Variants in NRG1 observed in about 807,000 individuals in gnomAD.
NRG1 encodes pro-neuregulin-1, membrane-bound isoform.
Under a neutral mutation model 63.8 loss-of-function variants are expected in NRG1, and 18 were observed. The ratio of observed to expected loss-of-function variants is 0.28; its 90% CI spans 0.19 to 0.42. The LOEUF (loss-of-function observed/expected upper bound fraction) is 0.42. Among genes scored for constraint, NRG1 ranks in the 10% least tolerant of loss-of-function variants. The probability of loss-of-function intolerance (pLI) is 1.00; values close to 1 mark genes in which losing one functional copy is unlikely to be tolerated. For synonymous variants in NRG1, 302 were observed against 301.3 expected (o/e 1.00, Z -0.02); for missense variants, 762 against 814.7 (o/e 0.94, Z 0.79).
chr8:32,647,086 T>C (rs978390554), intron 5 of NRG1: 20 of 985,258 alleles, frequency 2.0e-5, no homozygotes, highest in Non-Finnish European at 2.3e-5. Flanking sequence ...CCCTCCTGGC[T>C]GCACTCTTGC....
intron 1 of NRG1, among the ~76,000 whole-genome samples, chr8:32,438,631 T>G (rs1819090699): frequency 6.6e-6 from 1 of 152,220 alleles, no homozygotes; most frequent in African/African-American, 2.4e-5. Flanking sequence ...CAAAATTAGA[T>G]GTGCCATTTT....
At chr8:32,483,357 A>C (rs770250217) in intron 1 of NRG1, among the ~76,000 whole-genome samples, 11 of 152,226 alleles carry the variant, frequency 7.2e-5, no homozygotes. Context: ...CTGAAGAGGC[A>C]TTCACAGAAT....
At chr8:31,780,187 A>G (rs1355821453) in intron 1 of NRG1, among the ~76,000 whole-genome samples, 2 of 152,242 alleles carry the variant, frequency 1.3e-5, no homozygotes, top group Non-Finnish European at 2.9e-5. Context: ...ACTTGGGCTT[A>G]TGATAGCTCT....
intron 1 of NRG1, among the ~76,000 whole-genome samples, chr8:32,021,427 G>A (rs1456670640): frequency 1.3e-5 from 2 of 152,116 alleles, no homozygotes; most frequent in African/African-American, 4.8e-5. Context: ...ATTTCCTCAA[G>A]AACTAATTTA....
At position 32,261,429 on chromosome 8, in the gene NRG1, G is replaced by T. The variant is rs148836246; in HGVS notation, c.38-334399G>T. Among the ~76,000 whole-genome samples, 980 of 151,724 alleles carry T rather than the reference G, an allele frequency of 6.5e-3. 14 individuals are homozygous for T. Among genetic ancestry groups the T allele is most frequent in the African/African-American group, 0.022 (925 of 41,394 alleles). On this transcript the variant is annotated intron_variant, in intron 1 of 10. Transcript: ENST00000519301. ...TCTTTATTTAATAATAAAACTAGAAGGGCAATGAATTCGAAACGGAGGCTT... is the reference window on the plus strand; with the variant it reads ...TCTTTATTTAATAATAAAACTAGAATGGCAATGAATTCGAAACGGAGGCTT...
intron 1 of NRG1, among the ~76,000 whole-genome samples, chr8:32,032,981 C>T (rs1563703080): frequency 6.6e-6 from 1 of 152,066 alleles, no homozygotes; most frequent in Non-Finnish European, 1.5e-5. Flanking sequence ...CAATTTTCTG[C>T]ATATGGCTAG....
At chr8:31,865,364 G>T (rs1169644538) in intron 1 of NRG1, among the ~76,000 whole-genome samples, 1 of 152,106 alleles carries the variant, frequency 6.6e-6, no homozygotes, top group African/African-American at 2.4e-5. Context: ...TCTGAAGCAG[G>T]TGATATTCTG....
At chr8:31,795,198 G>A (rs1054189266) in intron 1 of NRG1, among the ~76,000 whole-genome samples, 2 of 152,136 alleles carry the variant, frequency 1.3e-5, no homozygotes, top group Admixed American at 1.3e-4. Flanking sequence ...AGCCCTCTTA[G>A]GATGAGCTGT....
chr8:32,748,844 TAGA>T (rs973857822), intron 7 of NRG1: 48 of 332,282 alleles, frequency 1.4e-4, no homozygotes, highest in Non-Finnish European at 2.3e-4. Flanking sequence ...TGAGAAAAAC[TAGA>T]AGGAGTCTCC....
At chr8:32,315,799 C>G (rs990871368) in intron 1 of NRG1, among the ~76,000 whole-genome samples, 2 of 152,144 alleles carry the variant, frequency 1.3e-5, no homozygotes, top group East Asian at 3.9e-4. Context: ...AGCAGACTGG[C>G]AGGGACCTGA....
intron 1 of NRG1, among the ~76,000 whole-genome samples, chr8:32,328,318 T>C (rs758989275): frequency 4.5e-4 from 68 of 152,166 alleles, no homozygotes; most frequent in Non-Finnish European, 7.6e-4. Context: ...GCTGGCTTCA[T>C]GAATCATTTG....
chr8:32,770,414 G>A (rs1831708187), downstream of NRG1, among the ~76,000 whole-genome samples: 1 of 152,122 alleles, frequency 6.6e-6, no homozygotes, highest in African/African-American at 2.4e-5. Flanking sequence ...TGCAAATCCA[G>A]TTTCTTTCTA....
intron 5 of NRG1, among the ~76,000 whole-genome samples, chr8:32,681,584 T>A (rs1477660389): frequency 6.6e-6 from 1 of 152,142 alleles, no homozygotes; most frequent in Non-Finnish European, 1.5e-5. Context: ...AACAGCATCT[T>A]TTACACAGTG....
intron 1 of NRG1, among the ~76,000 whole-genome samples, chr8:32,156,227 T>C (rs1360599915): frequency 1.3e-5 from 2 of 152,188 alleles, no homozygotes; most frequent in Non-Finnish European, 2.9e-5. Flanking sequence ...GTTAGAATGC[T>C]CCTCCATGAT....
chr8:32,149,128 C>G (rs967103944), intron 1 of NRG1, among the ~76,000 whole-genome samples: 31 of 152,138 alleles, frequency 2.0e-4, no homozygotes, highest in African/African-American at 7.5e-4. Context: ...TGAAATTTTT[C>G]CTGCTTCTCC....
chr8:32,727,853 T>C, intron 5 of NRG1, 96 bp from the exon 6 acceptor site: 2 of 1,267,056 alleles, frequency 1.6e-6, no homozygotes, highest in Admixed American at 2.0e-5. Flanking sequence ...CTGTACCTTA[T>C]ATGAACTCTT....
intron 1 of NRG1, among the ~76,000 whole-genome samples, chr8:32,158,902 C>A (rs1191287466): frequency 6.6e-6 from 1 of 152,062 alleles, no homozygotes; most frequent in African/African-American, 2.4e-5. Flanking sequence ...ATGTAAAATC[C>A]GTGCATCTGA....
At chr8:32,749,425 C>A (rs1828234376) in intron 7 of NRG1, 6 of 882,498 alleles carry the variant, frequency 6.8e-6, no homozygotes, top group Non-Finnish European at 1.1e-5. Context: ...TAACCACACA[C>A]CATTTGTCTG....
chr8:32,222,814 T>G (rs1845961526), intron 1 of NRG1, among the ~76,000 whole-genome samples: 1 of 152,166 alleles, frequency 6.6e-6, no homozygotes. Context: ...GGAAATATAT[T>G]GATCAAAATG....
Sources: gnomAD v4.1 joint callset for allele counts (sites outside exome capture counted in the v4.1 genomes callset) on GRCh38, gnomAD v4.1.1 for gene constraint, MANE v1.5 for transcripts, NCBI Gene and HGNC (gene_info 2026-07-23, HGNC 2026-07-21) for gene names.